Variants in KHDC1 observed in about 807,000 individuals in gnomAD.
KHDC1 encodes the protein KH homology domain-containing protein 1.
KHDC1 carries 21 observed loss-of-function variants against 24.7 expected under a neutral mutation model. The observed-to-expected ratio is 0.85, with a 90% CI of 0.60 to 1.23. KHDC1 has a LOEUF of 1.23. KHDC1 is among the 50% of genes most tolerant of loss of function. KHDC1 has a pLI of 0.00. For missense variants in KHDC1, 274 were observed against 298.5 expected (o/e 0.92, Z 0.61); for synonymous variants, 98 against 111.7 (o/e 0.88, Z 0.77).
chr6:73,301,543 C>A (rs993556879), intron 1 of KHDC1: 2 of 152,114 alleles, frequency 1.3e-5, no homozygotes, highest in African/African-American at 4.8e-5. Flanking sequence ...TAAAGGTGAA[C>A]CAACATTCTG....
intron 2 of KHDC1, among the ~76,000 whole-genome samples, chr6:73,259,858 C>A (rs13197436): frequency 0.066 from 10,097 of 152,196 alleles, 350 homozygotes; most frequent in East Asian, 0.13. Flanking sequence ...TAGGCATTTA[C>A]CATATAAACA....
chr6:73,262,305 C>G (rs1336843287), intron 2 of KHDC1, among the ~76,000 whole-genome samples: 1 of 152,218 alleles, frequency 6.6e-6, no homozygotes, highest in Admixed American at 6.5e-5. Context: ...GCAAGTGCTA[C>G]GTAAATGTTA....
intron 2 of KHDC1, chr6:73,274,193 T>G (rs546881785): frequency 7.5e-4 from 114 of 152,358 alleles, no homozygotes; most frequent in African/African-American, 2.5e-3. Context: ...AACATTACAT[T>G]TTTAATGAAA....
intron 1 of KHDC1, chr6:73,292,418 T>A (rs775611393): frequency 1.1e-4 from 86 of 776,956 alleles, no homozygotes; most frequent in Non-Finnish European, 1.9e-4. Context: ...ATATCTTTAT[T>A]TTTTCAGAGT....
At chr6:73,289,606 C>T (rs950180633) in intron 2 of KHDC1, among the ~76,000 whole-genome samples, 8 of 151,776 alleles carry the variant, frequency 5.3e-5, no homozygotes, top group African/African-American at 1.5e-4. Flanking sequence ...GCCATGATCA[C>T]GCCACTGCAC....
chr6:73,254,573 C>T (rs1049249636), intron 2 of KHDC1, among the ~76,000 whole-genome samples: 1 of 151,746 alleles, frequency 6.6e-6, no homozygotes, highest in African/African-American at 2.4e-5. Flanking sequence ...TGCAACCATC[C>T]ACAAGATATA....
intron 1 of KHDC1, among the ~76,000 whole-genome samples, chr6:73,298,868 G>A (rs1767811978): frequency 6.6e-6 from 1 of 152,144 alleles, no homozygotes; most frequent in Non-Finnish European, 1.5e-5. Flanking sequence ...CTCTCAAGTA[G>A]CTAGGATTAT....
chr6:73,303,240 G>A (rs1310368136), intron 1 of KHDC1, among the ~76,000 whole-genome samples: 1 of 152,020 alleles, frequency 6.6e-6, no homozygotes, highest in Non-Finnish European at 1.5e-5. Context: ...GAATAAAATG[G>A]TGGTTACAAG....
chr6:73,261,538 G>A (rs1335634527), intron 2 of KHDC1, among the ~76,000 whole-genome samples: 2 of 152,016 alleles, frequency 1.3e-5, no homozygotes, highest in African/African-American at 4.8e-5. Context: ...GGGAGGTCGA[G>A]GCGGGCGGAC....
intron 2 of KHDC1, among the ~76,000 whole-genome samples, chr6:73,263,872 T>G (rs1395129159): frequency 6.6e-6 from 1 of 152,214 alleles, no homozygotes; most frequent in Non-Finnish European, 1.5e-5. Context: ...ATTCTTTTGT[T>G]CAAGTCCGTT....
intron 2 of KHDC1, among the ~76,000 whole-genome samples, chr6:73,261,456 A>T (rs578182627): frequency 2.9e-4 from 44 of 151,248 alleles, no homozygotes; most frequent in Admixed American, 9.9e-4. Flanking sequence ...AATAAATAAA[A>T]TTTTTTTTAA....
chr6:73,249,143 A>C (rs1766731327), intron 2 of KHDC1, among the ~76,000 whole-genome samples: 1 of 152,090 alleles, frequency 6.6e-6, no homozygotes, highest in Admixed American at 6.6e-5. Context: ...AAAGCTTAAA[A>C]AATAAAAAAA....
At chr6:73,292,253 C>T in intron 1 of KHDC1, 1 of 1,367,702 alleles carries the variant, frequency 7.3e-7, no homozygotes, top group Non-Finnish European at 1.0e-6. Context: ...GTTTGAAGAT[C>T]CAGAAACGAC....
At chr6:73,293,032 A>T (rs1767685047) in intron 1 of KHDC1, 2 of 1,013,192 alleles carry the variant, frequency 2.0e-6, no homozygotes, top group Non-Finnish European at 3.1e-6. Flanking sequence ...ACATGACTCC[A>T]GATGAAACTG....
intron 2 of KHDC1, among the ~76,000 whole-genome samples, chr6:73,266,966 A>G (rs1447050192): frequency 6.6e-6 from 1 of 152,220 alleles, no homozygotes; most frequent in Admixed American, 6.5e-5. Context: ...AGGCAGGAGG[A>G]TTGCTGAGCC....
At chr6:73,273,137 G>A (rs549608903) in intron 2 of KHDC1, among the ~76,000 whole-genome samples, 1 of 150,782 alleles carries the variant, frequency 6.6e-6, no homozygotes, top group Admixed American at 6.6e-5. Context: ...GGGATTACAG[G>A]CGTGAGCCAC....
At chr6:73,273,401 G>C (rs1156537990) in intron 2 of KHDC1, among the ~76,000 whole-genome samples, 5 of 146,144 alleles carry the variant, frequency 3.4e-5, no homozygotes, top group South Asian at 2.2e-4. Context: ...CTCCTGACCT[G>C]AAGTGATCCC....
chr6:73,284,137 C>T (rs1401259659), intron 2 of KHDC1, among the ~76,000 whole-genome samples: 1 of 152,080 alleles, frequency 6.6e-6, no homozygotes, highest in Non-Finnish European at 1.5e-5. Flanking sequence ...ACTGAAACAG[C>T]CTTTGTAAGA....
At position 73,247,594 on chromosome 6, in the gene KHDC1, G is replaced by A. The variant is rs1766690870; in HGVS notation, c.207-5064C>T. On this transcript the variant is annotated intron_variant, in intron 2 of 4. Coordinates refer to ENST00000370384, the Ensembl canonical transcript of KHDC1. Reference sequence around the variant, plus strand: ...TGGACGGCCGGGCACTGTGGCTCACGCCTGTAATCCCAGCACTTTGGGAGG... The same window carrying A: ...TGGACGGCCGGGCACTGTGGCTCACACCTGTAATCCCAGCACTTTGGGAGG... Among the ~76,000 whole-genome samples, 4 of 151,988 alleles carry A rather than the reference G, an allele frequency of 2.6e-5. No individual in the cohort carries two copies. In the South Asian group the frequency reaches 8.3e-4, roughly 32 times the overall value.
Sources: allele counts gnomAD v4.1 joint callset (sites outside exome capture counted in the v4.1 genomes callset), GRCh38; gene constraint gnomAD v4.1.1; transcripts MANE v1.5; gene names NCBI Gene and HGNC (gene_info 2026-07-23, HGNC 2026-07-21).